The following CADPS variants were observed in gnomAD, a reference collection of about 807,000 sequenced individuals.
The protein encoded by CADPS is calcium dependent secretion activator.
In CADPS, 57 loss-of-function variants were observed where a neutral mutation model predicts 167.3. The ratio of observed to expected loss-of-function variants is 0.34; its 90% confidence interval spans 0.28 to 0.42. The LOEUF is 0.42. CADPS is among the 20% of genes least tolerant of loss of function. The pLI is 1.00. For synonymous variants in CADPS, 676 were observed against 635.3 expected (o/e 1.06, Z -0.96); for missense variants, 1,414 against 1,738.1 (o/e 0.81, Z 3.32).
In CADPS at chr3:62,491,564, C is replaced by CAA; in HGVS notation, c.2885-85_2885-84insTT. 5 of 905,604 alleles carry CAA rather than the reference C, an allele frequency of 5.5e-6. No homozygotes were observed. The African/African-American group carries it at 6.7e-5, about 12-fold the overall frequency. The allele number at this position is 905,604 out of a possible 1,614,324, so 56.1% of individuals were successfully genotyped here. A position where few individuals can be genotyped will look rare whatever the true frequency, so the allele number is the denominator to read the frequency against. Reference sequence around the variant, plus strand: ...ACACACACACACACACACAAACACACACACACACACACACACACACAGATG... The same window carrying CAA: ...ACACACACACACACACACAAACACACAAACACACACACACACACACACAGATG... On this transcript the variant is annotated intron_variant, in intron 20 of 29. Coordinates refer to ENST00000383710, the MANE Select transcript of CADPS (RefSeq NM_003716.4).
intron 1 of CADPS, among the ~76,000 whole-genome samples, chr3:62,864,994 G>T (rs996621853): frequency 6.6e-6 from 1 of 151,986 alleles, no homozygotes. Context: ...AAACAACATT[G>T]TCTGATGATG....
In CADPS at chr3:62,849,671, C is replaced by T. The variant is rs564389559; in HGVS notation, c.441+24918G>A. 2.5e-3 allele frequency among the ~76,000 whole-genome samples: 351 copies of T among 138,550 alleles called. 3 individuals carry two copies. Among genetic ancestry groups the T allele is most frequent in the Non-Finnish European group, 4.1e-3 (259 of 63,932 alleles). The allele number at this position is 138,550 out of a possible 152,430, so 90.9% of individuals were successfully genotyped here. ...AAGCTTTTTGATGTGCTGCTGGATT[C>T]GGTTTGCCAGTATTTTATTGAGGAT... is the stretch of plus-strand genomic sequence containing the variant. On this transcript the variant is annotated intron_variant, in intron 1 of 29. Transcript: ENST00000383710.
intron 3 of CADPS, among the ~76,000 whole-genome samples, chr3:62,716,465 A>C (rs1009537683): frequency 6.6e-6 from 1 of 152,214 alleles, no homozygotes; most frequent in Admixed American, 6.5e-5. Context: ...TGTTTTTAAA[A>C]ATGTAAAGTC....
intron 1 of CADPS, among the ~76,000 whole-genome samples, chr3:62,802,578 G>A (rs1000650991): frequency 6.6e-6 from 1 of 152,134 alleles, no homozygotes; most frequent in South Asian, 2.1e-4. Context: ...CTGGCTGATG[G>A]ATTTCGATGA....
chr3:62,452,653 G>T (rs1182800532), intron 26 of CADPS, among the ~76,000 whole-genome samples: 1 of 152,192 alleles, frequency 6.6e-6, no homozygotes, highest in East Asian at 1.9e-4. Flanking sequence ...AGGAAATAAA[G>T]GTGGATGGGT....
intron 26 of CADPS, among the ~76,000 whole-genome samples, chr3:62,457,061 T>C (rs2058776684): frequency 6.6e-6 from 1 of 152,214 alleles, no homozygotes; most frequent in African/African-American, 2.4e-5. Flanking sequence ...AACCTATCTC[T>C]ACCACTCTTA....
At chr3:62,757,492 A>C (rs538329607) in intron 2 of CADPS, among the ~76,000 whole-genome samples, 1 of 152,286 alleles carries the variant, frequency 6.6e-6, no homozygotes, top group Admixed American at 6.5e-5. Flanking sequence ...CTATAAGAGC[A>C]AAGCAGACTC....
intron 1 of CADPS, among the ~76,000 whole-genome samples, chr3:62,801,582 C>T (rs2093765532): frequency 6.6e-6 from 1 of 152,072 alleles, no homozygotes; most frequent in Admixed American, 6.6e-5. Flanking sequence ...TCTGTGGTTC[C>T]ATGTTTTAAA....
At chr3:62,717,510 A>G (rs1335731868) in intron 3 of CADPS, among the ~76,000 whole-genome samples, 1 of 152,102 alleles carries the variant, frequency 6.6e-6, no homozygotes, top group African/African-American at 2.4e-5. Flanking sequence ...TAACACCTAC[A>G]TTCAACCCAT....
intron 1 of CADPS, among the ~76,000 whole-genome samples, chr3:62,771,843 A>G (rs1388983388): frequency 6.6e-6 from 1 of 152,222 alleles, no homozygotes; most frequent in African/African-American, 2.4e-5. Flanking sequence ...TTTGTAATTT[A>G]CTGAAGCATT....
intron 1 of CADPS, among the ~76,000 whole-genome samples, chr3:62,788,944 C>T (rs535679733): frequency 2.4e-4 from 36 of 152,282 alleles, no homozygotes; most frequent in Non-Finnish European, 4.9e-4. Context: ...AGAGTTGAGG[C>T]TCCAATATTA....
intron 3 of CADPS, among the ~76,000 whole-genome samples, chr3:62,749,884 C>T (rs1428218915): frequency 6.6e-6 from 1 of 152,206 alleles, no homozygotes; most frequent in Non-Finnish European, 1.5e-5. Context: ...GCACTGTCTA[C>T]TGCCACCGTG....
At chr3:62,517,394 T>C (rs2069266553) in intron 14 of CADPS, among the ~76,000 whole-genome samples, 1 of 152,124 alleles carries the variant, frequency 6.6e-6, no homozygotes, top group Non-Finnish European at 1.5e-5. Context: ...CCTTAACCTC[T>C]CTCAGCCTCA....
At chr3:62,506,481 T>C (rs2066712297) in intron 17 of CADPS, among the ~76,000 whole-genome samples, 2 of 152,160 alleles carry the variant, frequency 1.3e-5, no homozygotes, top group Admixed American at 1.3e-4. Flanking sequence ...AATATAACAC[T>C]CTTGTAATGG....
intron 1 of CADPS, among the ~76,000 whole-genome samples, chr3:62,842,802 T>A (rs1189785768): frequency 6.6e-6 from 1 of 152,192 alleles, no homozygotes; most frequent in Non-Finnish European, 1.5e-5. Flanking sequence ...TCTCTAGACA[T>A]GCTGAATGAT....
At chr3:62,504,060 T>G (rs1231558985) in intron 17 of CADPS, among the ~76,000 whole-genome samples, 2 of 152,154 alleles carry the variant, frequency 1.3e-5, no homozygotes, top group Non-Finnish European at 2.9e-5. Context: ...TAAAAAAGAT[T>G]GAAAAATATG....
chr3:62,536,239 G>C, intron 12 of CADPS: 2 of 457,322 alleles, frequency 4.4e-6, no homozygotes, highest in Non-Finnish European at 7.8e-6. Context: ...TGGGGAATTG[G>C]ATCTGTTTCT....
chr3:62,475,596 A>AAC (rs1560909936), intron 23 of CADPS, among the ~76,000 whole-genome samples: 1 of 144,934 alleles, frequency 6.9e-6, no homozygotes, highest in African/African-American at 2.6e-5. Flanking sequence ...AAAAAAAAAA[A>AAC]AAAAAAAAAA....
rs915135174 is a variant in CADPS at position 62,874,176 on chromosome 3, G to C, written c.441+413C>G. Among the ~76,000 whole-genome samples, 2 of 151,954 alleles carry C rather than the reference G, an allele frequency of 1.3e-5. No individual in the cohort carries two copies. The highest frequency in any genetic ancestry group is 2.1e-4 in the South Asian group (1 of 4,824). ...CCGCCGAACGCACGCCCAGGAGGGC[G>C]GGCCCGGAGTTGAGCGCAGCCGCCC... On this transcript the variant is annotated intron_variant, in intron 1 of 29. Coordinates refer to ENST00000383710, the MANE Select transcript of CADPS (RefSeq NM_003716.4). This position sits in a 1 kb window ranked among gnomAD's most constrained non-coding sequence, Gnocchi z 7.1.
Sources: gnomAD v4.1 joint callset for allele counts (sites outside exome capture counted in the v4.1 genomes callset) on GRCh38, gnomAD v4.1.1 for gene constraint, Gnocchi (gnomAD v3.1) non-coding constraint, MANE v1.5 for transcripts, NCBI Gene and HGNC (gene_info 2026-07-23, HGNC 2026-07-21) for gene names.